The following ANKRD6 variants were observed in gnomAD, a reference collection of about 807,000 sequenced individuals.
ANKRD6 encodes ankyrin repeat domain 6.
A neutral mutation model predicts 82.3 loss-of-function variants in ANKRD6; 56 were observed. That is an observed-to-expected ratio of 0.68 (90% confidence interval 0.55 to 0.85). ANKRD6 has a LOEUF of 0.85. Ranked by LOEUF, ANKRD6 falls within the 40% of genes least tolerant of loss-of-function variation. ANKRD6 has a pLI of 0.00. For missense variants in ANKRD6, 852 were observed against 907.6 expected (o/e 0.94, Z 0.79); for synonymous variants, 347 against 352.1 (o/e 0.99, Z 0.16).
chr6:89,571,718 A>G (rs569441730), intron 2 of ANKRD6, among the ~76,000 whole-genome samples: 23 of 152,232 alleles, frequency 1.5e-4, no homozygotes, highest in Admixed American at 1.4e-3. Context: ...CATTATCAAC[A>G]TCCGCCACCA....
chr6:89,470,977 A>T (rs1228874173), intron 1 of ANKRD6, among the ~76,000 whole-genome samples: 1 of 152,086 alleles, frequency 6.6e-6, no homozygotes, highest in African/African-American at 2.4e-5. Flanking sequence ...ATATGTTTAC[A>T]TTTATATATA....
intron 1 of ANKRD6, among the ~76,000 whole-genome samples, chr6:89,480,660 G>C (rs1201513570): frequency 6.6e-6 from 1 of 150,956 alleles, no homozygotes; most frequent in East Asian, 1.9e-4. Context: ...AAAATGCAAA[G>C]TTGGCTAGAA....
At position 89,433,806 on chromosome 6, in the gene ANKRD6, C is replaced by T. The variant is rs1222963248; in HGVS notation, c.-144+431C>T. 6.6e-6 allele frequency among the ~76,000 whole-genome samples: 1 copy of T among 152,246 alleles called. No homozygotes were observed. Among genetic ancestry groups the T allele is most frequent in the Non-Finnish European group, 1.5e-5 (1 of 68,034 alleles). ...CTCCGAATGACCCCGTCCCTCCCCG[C>T]CCTGGACGACAGCACTAGGGTGCAG... On this transcript the variant is annotated intron_variant, in intron 1 of 15. Transcript: ENST00000339746. This position sits in a 1 kb window ranked among gnomAD's most constrained non-coding sequence, Gnocchi z 4.3.
chr6:89,433,491 C>T lies in ANKRD6; in HGVS notation c.-144+116C>T, dbSNP rs1039843215. The T allele has an allele frequency of 2.0e-5, 3 of 152,252 alleles. No homozygotes were observed. The highest frequency in any genetic ancestry group is 2.9e-5 in the Non-Finnish European group (2 of 68,072). 9.4% of individuals were successfully genotyped at this position (152,252 alleles called of 1,614,324 possible). A position where few individuals can be genotyped will look rare whatever the true frequency, so the allele number is the denominator to read the frequency against. ...CGCTGCTCCCTCGGCACCCCAGGAT[C>T]GCCGACTGCCCGCGGAGGAGACCCG... On this transcript the variant is annotated intron_variant, in intron 1 of 15. Coordinates refer to ENST00000339746, the MANE Select transcript of ANKRD6 (RefSeq NM_001242809.2). The surrounding 1 kb of genome is among the most constrained non-coding windows in gnomAD (Gnocchi z 4.3).
intron 5 of ANKRD6, 75 bp downstream of exon 5, chr6:89,606,180 T>G: frequency 8.1e-7 from 1 of 1,238,980 alleles, no homozygotes; most frequent in Non-Finnish European, 1.1e-6. Context: ...TGTGGGAGCC[T>G]TCTTCCAGTG....
At chr6:89,459,440 A>C (rs1026553486) in intron 1 of ANKRD6, among the ~76,000 whole-genome samples, 1 of 152,112 alleles carries the variant, frequency 6.6e-6, no homozygotes, top group Admixed American at 6.6e-5. Flanking sequence ...GAGGAGCCTC[A>C]GGTTAATTTA....
chr6:89,480,532 T>G (rs1301902993), intron 1 of ANKRD6, among the ~76,000 whole-genome samples: 4 of 150,504 alleles, frequency 2.7e-5, no homozygotes, highest in Non-Finnish European at 5.9e-5. Context: ...TTGTATATTT[T>G]TTATATATTT....
At chr6:89,579,629 C>T (rs943966621) in intron 2 of ANKRD6, among the ~76,000 whole-genome samples, 19 of 151,596 alleles carry the variant, frequency 1.3e-4, no homozygotes, top group African/African-American at 4.4e-4. Context: ...TGGTGGTGCA[C>T]GCCTGTAATC....
intron 3 of ANKRD6, among the ~76,000 whole-genome samples, chr6:89,600,602 C>T (rs527534624): frequency 1.6e-4 from 24 of 152,206 alleles, no homozygotes; most frequent in Non-Finnish European, 2.6e-4. Context: ...GCTGCAGTCG[C>T]GTGGTTCTTG....
At chr6:89,604,424 A>G (rs1798013255) in intron 4 of ANKRD6, among the ~76,000 whole-genome samples, 1 of 152,106 alleles carries the variant, frequency 6.6e-6, no homozygotes, top group East Asian at 1.9e-4. Flanking sequence ...ACAATCTTAA[A>G]ACACAAAACT....
intron 1 of ANKRD6, among the ~76,000 whole-genome samples, chr6:89,522,308 G>C (rs76899923): frequency 0.012 from 1,755 of 152,302 alleles, 33 homozygotes; most frequent in African/African-American, 0.038. Flanking sequence ...AACTGTTAGG[G>C]GCTTTTTGAG....
chr6:89,579,245 C>T (rs1347505205), intron 2 of ANKRD6, among the ~76,000 whole-genome samples: 1 of 152,144 alleles, frequency 6.6e-6, no homozygotes, highest in Non-Finnish European at 1.5e-5. Flanking sequence ...TAGTAGCTAC[C>T]TCATTAGGTT....
chr6:89,437,258 A>G (rs562102311), intron 1 of ANKRD6, among the ~76,000 whole-genome samples: 86 of 152,238 alleles, frequency 5.6e-4, no homozygotes, highest in African/African-American at 2.0e-3. Context: ...GTTCTCTGAC[A>G]TATCTTTCCC....
intron 1 of ANKRD6, among the ~76,000 whole-genome samples, chr6:89,437,130 C>T (rs936263938): frequency 6.6e-6 from 1 of 152,146 alleles, no homozygotes; most frequent in African/African-American, 2.4e-5. Flanking sequence ...TCATCAGATT[C>T]TCAAATGGTT....
intron 1 of ANKRD6, among the ~76,000 whole-genome samples, chr6:89,517,290 T>A (rs552041532): frequency 3.9e-4 from 60 of 152,400 alleles, no homozygotes; most frequent in African/African-American, 1.4e-3. Flanking sequence ...AGTAGTTTAA[T>A]AATTTTATTG....
intron 9 of ANKRD6, among the ~76,000 whole-genome samples, chr6:89,619,146 T>G (rs1258276234): frequency 6.6e-6 from 1 of 152,182 alleles, no homozygotes; most frequent in African/African-American, 2.4e-5. Context: ...TGCATGGAGC[T>G]GGTCCTTCTC....
chr6:89,501,436 G>T (rs1238105030), intron 1 of ANKRD6, among the ~76,000 whole-genome samples: 2 of 152,138 alleles, frequency 1.3e-5, no homozygotes, highest in African/African-American at 4.8e-5. Context: ...GTCAGTATTG[G>T]GTTGCTTGGA....
chr6:89,560,608 C>T (rs113407822), intron 1 of ANKRD6, among the ~76,000 whole-genome samples: 7,386 of 152,158 alleles, frequency 0.049, 258 homozygotes, highest in South Asian at 0.13. Context: ...TGGATCACCT[C>T]AGGTCAGGAG....
At chr6:89,444,117 G>A (rs1248777618) in intron 1 of ANKRD6, among the ~76,000 whole-genome samples, 1 of 152,210 alleles carries the variant, frequency 6.6e-6, no homozygotes, top group Non-Finnish European at 1.5e-5. Flanking sequence ...AAAAGAAAGA[G>A]CTTTGATGAG....
Sources: gnomAD v4.1 joint callset for allele counts (sites outside exome capture counted in the v4.1 genomes callset) on GRCh38, gnomAD v4.1.1 for gene constraint, Gnocchi (gnomAD v3.1) non-coding constraint, MANE v1.5 for transcripts, NCBI Gene and HGNC (gene_info 2026-07-23, HGNC 2026-07-21) for gene names.